Variants in GATA6 observed in about 807,000 individuals in gnomAD.
The protein encoded by GATA6 is GATA binding protein 6, also known as transcription factor GATA-6.
GATA6 carries 11 observed loss-of-function variants against 48.1 expected under a neutral mutation model. That is an observed-to-expected ratio of 0.23 (90% CI 0.14 to 0.38). GATA6 has a LOEUF of 0.38. Among genes scored for constraint, GATA6 ranks in the 10% least tolerant of loss-of-function variants. The pLI is 1.00. For missense variants in GATA6, 795 were observed against 850.3 expected (o/e 0.93, Z 0.81); for synonymous variants, 419 against 396.1 (o/e 1.06, Z -0.69).
rs529838347 is a variant in GATA6, at chr18:22,201,430, G to A, written c.*607G>A. ...TCAGTCGGAATTTGTAAACAGGGTA[G>A]CAAACAAGATATTTTTCTTCCATGT... is the stretch of plus-strand genomic sequence containing the variant. On this transcript the variant is annotated 3_prime_UTR_variant, in exon 7 of 7. Coordinates refer to ENST00000269216, the MANE Select transcript of GATA6 (RefSeq NM_005257.6). 6.5e-6 allele frequency: 1 copy of A among 153,536 alleles called. No individual in the cohort carries two copies. The highest frequency in any genetic ancestry group is 1.9e-4 in the East Asian group (1 of 5,186). The allele number at this position is 153,536 out of a possible 1,614,324, so 9.5% of individuals were successfully genotyped here. A position where few individuals can be genotyped will look rare whatever the true frequency, so the allele number is the denominator to read the frequency against.
rs937468668 is a variant in GATA6 at position 22,185,449 on chromosome 18, A to G, written c.1620+2406A>G. Among the ~76,000 whole-genome samples, 9 of 152,234 alleles carry G rather than the reference A, an allele frequency of 5.9e-5. No homozygotes were observed. The highest frequency in any genetic ancestry group is 2.1e-4 in the South Asian group (1 of 4,838). On this transcript the variant is annotated intron_variant, in intron 6 of 6. Coordinates refer to ENST00000269216, the MANE Select transcript of GATA6 (RefSeq NM_005257.6). The surrounding 1 kb of genome is among the most constrained non-coding windows in gnomAD (Gnocchi z 4.3). ...GGAGTGGCTGGTGTGAGCTGCAGCC[A>G]GGGGGCATCTCTCCGAGCTCTCCAG...
At chr18:22,184,464 T>C (rs2033237917) in intron 6 of GATA6, among the ~76,000 whole-genome samples, 1 of 152,002 alleles carries the variant, frequency 6.6e-6, no homozygotes, top group African/African-American at 2.4e-5. Flanking sequence ...AAATAGAACA[T>C]GTTTCTTGGG....
chr18:22,187,653 A>G (rs2033279120), intron 6 of GATA6, among the ~76,000 whole-genome samples: 2 of 152,134 alleles, frequency 1.3e-5, no homozygotes, highest in Admixed American at 1.3e-4. Context: ...ATAAGATTTA[A>G]TAAGTAGTCC....
At chr18:22,175,954 T>G (rs2033116698) in intron 2 of GATA6, among the ~76,000 whole-genome samples, 2 of 152,360 alleles carry the variant, frequency 1.3e-5, no homozygotes, top group South Asian at 4.1e-4. Context: ...ATACTTACAA[T>G]AAGTACCTTT....
chr18:22,177,169 T>TC (rs972658174), intron 3 of GATA6, 48 bp downstream of exon 3: 23 of 1,499,198 alleles, frequency 1.5e-5, no homozygotes, highest in Admixed American at 1.3e-4. Flanking sequence ...CCCCGGGCTC[T>TC]CCTGGCCCGG....
Position 22,171,909 on chromosome 18 carries a change from C to T in GATA6, c.765C>T (p.Ala255=), listed in dbSNP as rs926270539. The change falls in exon 2 of 7, where the codon GCC becomes GCT. Residue 255 remains alanine, a synonymous_variant. Coordinates refer to ENST00000269216, the MANE Select transcript of GATA6 (RefSeq NM_005257.6). The surrounding 1 kb of genome is among the most constrained non-coding windows in gnomAD (Gnocchi z 7.1). ...CGGGGCCTGGCGGCGCTGGCTCAGCCGCGGCGCACGTCTCGGCGCGCTTCC... is the reference window on the plus strand; with the variant it reads ...CGGGGCCTGGCGGCGCTGGCTCAGCTGCGGCGCACGTCTCGGCGCGCTTCC... ...GAAGPGGAGS[A]AAHVSARFPY... 29 of 1,164,392 alleles carry T rather than the reference C, an allele frequency of 2.5e-5. No homozygotes were observed. Among genetic ancestry groups the T allele is most frequent in the Non-Finnish European group, 2.9e-5 (27 of 945,296 alleles). The allele number at this position is 1,164,392 out of a possible 1,614,324, so 72.1% of individuals were successfully genotyped here.
intron 6 of GATA6, among the ~76,000 whole-genome samples, chr18:22,188,031 G>A (rs1443418055): frequency 6.6e-6 from 1 of 151,730 alleles, no homozygotes; most frequent in Non-Finnish European, 1.5e-5. Flanking sequence ...GAGACTAGGA[G>A]TTTGAGATCA....
In GATA6 at chr18:22,185,021, A is replaced by G. The variant is rs1231838123; in HGVS notation, c.1620+1978A>G. Among the ~76,000 whole-genome samples, 1 of 152,128 alleles carries G rather than the reference A, an allele frequency of 6.6e-6. No individual in the cohort carries two copies. The highest frequency in any genetic ancestry group is 1.9e-4 in the East Asian group (1 of 5,186). On this transcript the variant is annotated intron_variant, in intron 6 of 6. Coordinates refer to ENST00000269216, the MANE Select transcript of GATA6 (RefSeq NM_005257.6). The surrounding 1 kb of genome is among the most constrained non-coding windows in gnomAD (Gnocchi z 4.3). ...CACTGAGGTCGATATATACCCAACA[A>G]TGGGCTTCGGGGACTTGGAACCATT... is the stretch of plus-strand genomic sequence containing the variant.
chr18:22,178,841 T>A (rs983302736), intron 3 of GATA6, among the ~76,000 whole-genome samples: 1 of 152,228 alleles, frequency 6.6e-6, no homozygotes, highest in African/African-American at 2.4e-5. Context: ...TTCCTTGTTT[T>A]CATATAATAG....
intron 6 of GATA6, among the ~76,000 whole-genome samples, chr18:22,186,442 C>G (rs977514666): frequency 7.9e-5 from 12 of 152,168 alleles, no homozygotes; most frequent in Admixed American, 3.9e-4. Context: ...ACTGAAAAAT[C>G]AGTTGTAGGA....
In GATA6 at chr18:22,201,110, A is replaced by G. The variant is rs1775123427; in HGVS notation, c.*287A>G. 4 of 478,450 alleles carry G rather than the reference A, an allele frequency of 8.4e-6. No individual in the cohort carries two copies. Among genetic ancestry groups the G allele is most frequent in the Admixed American group, 3.6e-5 (1 of 28,104 alleles). The allele number at this position is 478,450 out of a possible 1,614,324, so 29.6% of individuals were successfully genotyped here. ...GACTAGGACCTGGGCCTTGCCTGCT[A>G]TGGAATATTGAGAGAGATTTTTTAA... On this transcript the variant is annotated 3_prime_UTR_variant, in exon 7 of 7. Coordinates refer to ENST00000269216, the MANE Select transcript of GATA6 (RefSeq NM_005257.6).
At chr18:22,183,138 A>G (rs2033220038) in intron 6 of GATA6, 95 bp downstream of exon 6, 1 of 971,570 alleles carries the variant, frequency 1.0e-6, no homozygotes, top group Admixed American at 1.9e-5. Context: ...AATAATCTAA[A>G]CCAACAGTTC....
intron 3 of GATA6, among the ~76,000 whole-genome samples, chr18:22,178,030 C>T (rs933006424): frequency 7.3e-6 from 1 of 136,524 alleles, no homozygotes; most frequent in Admixed American, 8.5e-5. Flanking sequence ...GGCGCGATCT[C>T]GGCTCACCGC....
rs979067151 is a variant in GATA6 at position 22,177,944 on chromosome 18, G to GTTTTTT, written c.1302+825_1302+830dup. Among the ~76,000 whole-genome samples, 366 of 77,834 alleles carry GTTTTTT rather than the reference G, an allele frequency of 4.7e-3. 91 individuals carry two copies. The highest frequency in any genetic ancestry group is 0.02 in the African/African-American group (322 of 15,866). 51.1% of individuals were successfully genotyped at this position (77,834 alleles called of 152,430 possible). On this transcript the variant is annotated intron_variant, in intron 3 of 6. Transcript: ENST00000269216. ...TTCCCCAATTCGCACACGTTTTACTGTTTTTTTGTTTTTTTTTTTTTTTTT... is the reference window on the plus strand; with the variant it reads ...TTCCCCAATTCGCACACGTTTTACTGTTTTTTTTTTTTTGTTTTTTTTTTTTTTTTT...
intron 6 of GATA6, among the ~76,000 whole-genome samples, chr18:22,195,925 C>A (rs897241516): frequency 1.3e-5 from 2 of 152,176 alleles, no homozygotes; most frequent in African/African-American, 4.8e-5. Context: ...CGGAGCCTTT[C>A]CCTTCTTTTG....
chr18:22,194,692 T>A (rs1215528486), intron 6 of GATA6, among the ~76,000 whole-genome samples: 1 of 152,022 alleles, frequency 6.6e-6, no homozygotes, highest in Non-Finnish European at 1.5e-5. Flanking sequence ...TATATTTTTC[T>A]CTGATTTCCC....
At chr18:22,184,382 A>G (rs1205463127) in intron 6 of GATA6, among the ~76,000 whole-genome samples, 3 of 151,314 alleles carry the variant, frequency 2.0e-5, no homozygotes, top group South Asian at 2.1e-4. Flanking sequence ...TCTAGGCTTT[A>G]TAAAGGTGGA....
Position 22,172,283 on chromosome 18 carries a change from AG to A in GATA6, c.1135+7del, listed in dbSNP as rs1481462980. 1 of 1,531,806 alleles carries A rather than the reference AG, an allele frequency of 6.5e-7. No individual in the cohort carries two copies. The highest frequency in any genetic ancestry group is 1.2e-5 in the South Asian group (1 of 83,876). 94.9% of individuals were successfully genotyped at this position (1,531,806 alleles called of 1,614,324 possible). On this transcript the variant is annotated splice_donor_5th_base_variant and intron_variant, in intron 2 of 6. Transcript: ENST00000269216. The surrounding 1 kb of genome is among the most constrained non-coding windows in gnomAD (Gnocchi z 5.2). ...GTGCCCCGGGGTCCCAGTGCAGGTA[AG>A]GGTCGCGCCTCAGGTTCGGGGTGCG... is the stretch of plus-strand genomic sequence containing the variant.
At position 22,172,712 on chromosome 18, in the gene GATA6, G is replaced by C. The variant is rs2033072195; in HGVS notation, c.1135+433G>C. On this transcript the variant is annotated intron_variant, in intron 2 of 6. Transcript: ENST00000269216. This position sits in a 1 kb window ranked among gnomAD's most constrained non-coding sequence, Gnocchi z 5.2. ...AAGTTTGGGAGAGTGGCGGGCACTT[G>C]ATCCACCCCCAAACAGACACACAAG... Among the ~76,000 whole-genome samples, 1 of 152,122 alleles carries C rather than the reference G, an allele frequency of 6.6e-6. No individual in the cohort carries two copies. The highest frequency in any genetic ancestry group is 2.1e-4 in the South Asian group (1 of 4,818).
Sources: gnomAD v4.1 joint callset for allele counts (sites outside exome capture counted in the v4.1 genomes callset) on GRCh38, gnomAD v4.1.1 for gene constraint, Gnocchi (gnomAD v3.1) non-coding constraint, MANE v1.5 for transcripts, NCBI Gene and HGNC (gene_info 2026-07-23, HGNC 2026-07-21) for gene names.